The following DOCK1 variants were observed in gnomAD, a reference collection of about 807,000 sequenced individuals.
The protein encoded by DOCK1 is dedicator of cytokinesis protein 1.
Under a neutral mutation model 262.7 loss-of-function variants are expected in DOCK1, and 138 were observed. That is an observed-to-expected ratio of 0.53 (90% CI 0.46 to 0.61). The LOEUF (loss-of-function observed/expected upper bound fraction) is 0.61, where lower values mean the gene tolerates loss of function less well. Among genes scored for constraint, DOCK1 ranks in the 20% least tolerant of loss-of-function variants. The pLI is 0.00. For missense variants in DOCK1, 1,908 were observed against 2,370.7 expected (o/e 0.80, Z 4.05); for synonymous variants, 866 against 867.4 (o/e 1.00, Z 0.03).
At chr10:126,905,868 G>T (rs2030672604) in intron 1 of DOCK1, among the ~76,000 whole-genome samples, 1 of 151,974 alleles carries the variant, frequency 6.6e-6, no homozygotes, top group Non-Finnish European at 1.5e-5. Context: ...GACCTCTGCC[G>T]TGGAGCCCCC....
At chr10:126,945,613 T>A (rs949381071) in intron 1 of DOCK1, among the ~76,000 whole-genome samples, 1 of 152,104 alleles carries the variant, frequency 6.6e-6, no homozygotes, top group Non-Finnish European at 1.5e-5. Context: ...ACGGGATCAT[T>A]TTTATGGATT....
At chr10:127,207,569 A>T (rs2057780869) in intron 27 of DOCK1, among the ~76,000 whole-genome samples, 1 of 152,212 alleles carries the variant, frequency 6.6e-6, no homozygotes, top group Non-Finnish European at 1.5e-5. Flanking sequence ...GACAATTCTC[A>T]CATTTTAGGA....
chr10:127,388,878 A>C (rs2386837), intron 38 of DOCK1, among the ~76,000 whole-genome samples: 120,964 of 151,840 alleles, frequency 0.8, 48,245 homozygotes, highest in African/African-American at 0.84. Flanking sequence ...GGTGAGTCTA[A>C]CAATCAAGGG....
intron 23 of DOCK1, among the ~76,000 whole-genome samples, chr10:127,103,344 C>T (rs975606621): frequency 2.6e-5 from 4 of 152,136 alleles, no homozygotes; most frequent in Admixed American, 6.5e-5. Flanking sequence ...ATCGTAGGAC[C>T]GCCAAAACAG....
At chr10:127,232,729 C>T (rs2058898099) in intron 27 of DOCK1, among the ~76,000 whole-genome samples, 1 of 152,172 alleles carries the variant, frequency 6.6e-6, no homozygotes, top group Admixed American at 6.5e-5. Flanking sequence ...TTCATGATCT[C>T]ATGTGCTTCT....
chr10:127,343,589 T>G, intron 30 of DOCK1, 57 bp from the exon 31 acceptor site: 2 of 1,335,914 alleles, frequency 1.5e-6, no homozygotes, highest in Non-Finnish European at 1.0e-6. Context: ...AGAGCATTGT[T>G]GAGATCCTAT....
At chr10:127,076,781 G>C (rs1375937167) in intron 23 of DOCK1, among the ~76,000 whole-genome samples, 1 of 152,174 alleles carries the variant, frequency 6.6e-6, no homozygotes, top group Non-Finnish European at 1.5e-5. Context: ...AGGGCTGACA[G>C]GGGGGCTCCG....
intron 1 of DOCK1, among the ~76,000 whole-genome samples, chr10:126,938,493 T>C (rs2034707856): frequency 6.6e-6 from 1 of 152,258 alleles, no homozygotes; most frequent in Admixed American, 6.5e-5. Flanking sequence ...CTCTATTCTC[T>C]TCTATTGGTC....
Position 127,091,051 on chromosome 10 carries a change from G to A in DOCK1, c.2446-15180G>A, listed in dbSNP as rs905761191. Among the ~76,000 whole-genome samples the A allele has an allele frequency of 2.3e-4, 34 of 146,784 alleles. 1 individual carries two copies. Among genetic ancestry groups the A allele is most frequent in the Non-Finnish European group, 3.3e-4 (22 of 67,212 alleles). ...GGCTGGAGTGCAGTAGTGTGATCTC[G>A]GCTCACTGCAAGCTCTGCCTCCTGG... is the stretch of plus-strand genomic sequence containing the variant. On this transcript the variant is annotated intron_variant, in intron 23 of 51. Coordinates refer to ENST00000623213, the MANE Select transcript of DOCK1 (RefSeq NM_001290223.2).
intron 21 of DOCK1, among the ~76,000 whole-genome samples, chr10:127,046,650 A>G (rs940861993): frequency 1.3e-5 from 2 of 151,500 alleles, no homozygotes. Context: ...AATCCCAGCT[A>G]ATCAGAAGGC....
At chr10:127,269,637 G>A (rs927075076) in intron 29 of DOCK1, among the ~76,000 whole-genome samples, 4 of 152,180 alleles carry the variant, frequency 2.6e-5, no homozygotes, top group South Asian at 4.1e-4. Context: ...CAAAATGGTG[G>A]TCCTGTCTGC....
intron 27 of DOCK1, among the ~76,000 whole-genome samples, chr10:127,206,573 G>T (rs1432787955): frequency 2.0e-5 from 3 of 152,048 alleles, no homozygotes; most frequent in African/African-American, 4.8e-5. Flanking sequence ...TGTGATTTGC[G>T]CTGTGAGAGC....
Position 126,981,900 on chromosome 10 carries a change from T to C in DOCK1, c.172-18T>C. On this transcript the variant is annotated intron_variant, in intron 3 of 51. Transcript: ENST00000623213. ...CCTATTGATAATAAAAGCTACTGTT[T>C]TTTTTTTCCTCCCAAAGGGTATATT... is the stretch of plus-strand genomic sequence containing the variant. 1.2e-6 allele frequency: 2 copies of C among 1,603,242 alleles called. No homozygotes were observed. The highest frequency in any genetic ancestry group is 1.7e-6 in the Non-Finnish European group (2 of 1,176,682).
intron 27 of DOCK1, among the ~76,000 whole-genome samples, chr10:127,142,490 G>A (rs1435910318): frequency 6.6e-6 from 1 of 152,176 alleles, no homozygotes; most frequent in African/African-American, 2.4e-5. Context: ...CCTGGAAAAA[G>A]TCCTGATTCT....
chr10:127,259,965 C>A (rs1049099913), intron 29 of DOCK1, among the ~76,000 whole-genome samples: 4 of 152,082 alleles, frequency 2.6e-5, no homozygotes, highest in Non-Finnish European at 5.9e-5. Flanking sequence ...GGGGCTCAAC[C>A]CTGGGAGTGC....
In DOCK1 at chr10:127,354,736, C is replaced by A; in HGVS notation, c.3283+9C>A. On this transcript the variant is annotated intron_variant, in intron 32 of 51. Transcript: ENST00000623213. ...CATGTGGTACAACCTTGGTGAGTAG[C>A]CTGGATGTGGGGGCATAGTGAATAT... is the stretch of plus-strand genomic sequence containing the variant. The A allele has an allele frequency of 6.2e-7, 1 of 1,613,734 alleles. No individual in the cohort carries two copies. Among genetic ancestry groups the A allele is most frequent in the East Asian group, 2.2e-5 (1 of 44,878 alleles).
At chr10:127,046,850 T>C (rs2044383511) in intron 21 of DOCK1, among the ~76,000 whole-genome samples, 1 of 152,122 alleles carries the variant, frequency 6.6e-6, no homozygotes, top group Admixed American at 6.5e-5. Flanking sequence ...AAGGTTGCTC[T>C]TCTGAGTGTC....
chr10:127,057,120 G>A (rs1247334843), intron 22 of DOCK1, among the ~76,000 whole-genome samples: 2 of 152,198 alleles, frequency 1.3e-5, no homozygotes, highest in African/African-American at 4.8e-5. Flanking sequence ...CAGATATCTA[G>A]GATGTTTGAT....
intron 38 of DOCK1, among the ~76,000 whole-genome samples, chr10:127,394,531 A>C (rs2066703560): frequency 6.6e-6 from 1 of 152,190 alleles, no homozygotes; most frequent in South Asian, 2.1e-4. Context: ...ACTGCAGGTC[A>C]ACATAATGAA....
Sources: allele counts gnomAD v4.1 joint callset (sites outside exome capture counted in the v4.1 genomes callset), GRCh38; gene constraint gnomAD v4.1.1; transcripts MANE v1.5; gene names NCBI Gene and HGNC (gene_info 2026-07-23, HGNC 2026-07-21).